ST7: variants seen among roughly 807,000 people sequenced by gnomAD.
The protein encoded by ST7 is suppression of tumorigenicity 7, also known as suppressor of tumorigenicity 7 protein.
Under a neutral mutation model 78.7 loss-of-function variants are expected in ST7, and 28 were observed. The observed-to-expected ratio is 0.36, with a 90% CI of 0.26 to 0.49. The LOEUF is 0.49. Ranked by LOEUF, ST7 falls within the 20% of genes least tolerant of loss-of-function variation. The probability of loss-of-function intolerance (pLI) is 0.99; values close to 1 mark genes in which losing one functional copy is unlikely to be tolerated. For synonymous variants in ST7, 247 were observed against 249.6 expected (o/e 0.99, Z 0.10); for missense variants, 418 against 696.0 (o/e 0.60, Z 4.49).
intron 1 of ST7, among the ~76,000 whole-genome samples, chr7:117,077,974 T>C (rs1350498185): frequency 6.6e-6 from 1 of 152,108 alleles, no homozygotes; most frequent in African/African-American, 2.4e-5. Context: ...AGGTTTTGGA[T>C]TCTTCACTTA....
chr7:116,955,436 A>G (rs1792413729), intron 1 of ST7, among the ~76,000 whole-genome samples: 2 of 152,150 alleles, frequency 1.3e-5, no homozygotes, highest in Non-Finnish European at 2.9e-5. Flanking sequence ...TGAGAAAACA[A>G]GAGGGGGCCC....
intron 1 of ST7, among the ~76,000 whole-genome samples, chr7:117,024,653 A>G (rs568444997): frequency 1.3e-5 from 2 of 152,328 alleles, no homozygotes; most frequent in South Asian, 2.1e-4. Context: ...GAGGGGGAAA[A>G]TAAATCACCA....
At chr7:117,075,147 ATAAT>A (rs1469533782) in intron 1 of ST7, among the ~76,000 whole-genome samples, 4 of 152,288 alleles carry the variant, frequency 2.6e-5, no homozygotes, top group Admixed American at 6.5e-5. Context: ...AAAGATGAAA[ATAAT>A]TACTCTAAAA....
At chr7:117,154,674 G>A (rs1806552529) in intron 9 of ST7, among the ~76,000 whole-genome samples, 1 of 152,146 alleles carries the variant, frequency 6.6e-6, no homozygotes, top group Non-Finnish European at 1.5e-5. Flanking sequence ...AGGTTTACTG[G>A]GTAGTTTTGG....
chr7:117,196,325 T>C (rs1741231621), intron 12 of ST7, among the ~76,000 whole-genome samples: 1 of 152,246 alleles, frequency 6.6e-6, no homozygotes, highest in Admixed American at 6.5e-5. Flanking sequence ...GATTCTATTT[T>C]TGATTTTTTG....
At chr7:117,040,928 A>C (rs989535768) in intron 1 of ST7, among the ~76,000 whole-genome samples, 1 of 152,074 alleles carries the variant, frequency 6.6e-6, no homozygotes, top group Non-Finnish European at 1.5e-5. Context: ...ATCCCATCAA[A>C]CCTTATTATT....
intron 1 of ST7, among the ~76,000 whole-genome samples, chr7:117,032,122 T>A (rs1290503519): frequency 6.6e-6 from 1 of 151,946 alleles, no homozygotes; most frequent in Non-Finnish European, 1.5e-5. Context: ...CCTCAAGTGA[T>A]CTGCCCTCCT....
intron 13 of ST7, among the ~76,000 whole-genome samples, chr7:117,214,791 G>C (rs1395806765): frequency 1.3e-5 from 2 of 151,964 alleles, no homozygotes; most frequent in African/African-American, 2.4e-5. Context: ...CTTCTTGATT[G>C]TGCGTTTATT....
intron 3 of ST7, among the ~76,000 whole-genome samples, chr7:117,122,513 T>G (rs1803478482): frequency 1.3e-5 from 2 of 152,232 alleles, no homozygotes; most frequent in Non-Finnish European, 2.9e-5. Flanking sequence ...GATAATATTA[T>G]CTACCAGTAT....
chr7:117,220,937 T>C (rs1793040293), intron 14 of ST7, among the ~76,000 whole-genome samples: 1 of 152,140 alleles, frequency 6.6e-6, no homozygotes, highest in Non-Finnish European at 1.5e-5. Flanking sequence ...AGCTGAATGG[T>C]AGAGGAAAGG....
chr7:117,026,664 C>T (rs898483898), intron 1 of ST7, among the ~76,000 whole-genome samples: 52 of 152,290 alleles, frequency 3.4e-4, no homozygotes, highest in Admixed American at 1.3e-3. Context: ...ATGGCTCTAC[C>T]GTGTACTACC....
At chr7:117,000,047 G>A (rs542609522) in intron 1 of ST7, among the ~76,000 whole-genome samples, 4 of 151,996 alleles carry the variant, frequency 2.6e-5, no homozygotes, top group African/African-American at 2.4e-5. Flanking sequence ...TCCTGACCTC[G>A]TGATCCACCC....
intron 1 of ST7, among the ~76,000 whole-genome samples, chr7:117,084,489 A>C (rs1799997093): frequency 6.6e-6 from 1 of 152,162 alleles, no homozygotes; most frequent in Admixed American, 6.5e-5. Flanking sequence ...AGCCCTTAGA[A>C]CAATGGTTAG....
chr7:117,033,845 A>G (rs996295121), intron 1 of ST7, among the ~76,000 whole-genome samples: 1 of 152,172 alleles, frequency 6.6e-6, no homozygotes, highest in Non-Finnish European at 1.5e-5. Flanking sequence ...CACGACCTTG[A>G]GTAGATTAAC....
chr7:117,095,357 A>T (rs1008555343), intron 1 of ST7, among the ~76,000 whole-genome samples: 1 of 152,138 alleles, frequency 6.6e-6, no homozygotes, highest in African/African-American at 2.4e-5. Context: ...CCACAGTTCA[A>T]CCTGCTGTAT....
intron 3 of ST7, among the ~76,000 whole-genome samples, chr7:117,124,815 C>G (rs779404753): frequency 4.6e-5 from 7 of 152,136 alleles, no homozygotes; most frequent in Non-Finnish European, 8.8e-5. Context: ...AATGTCAGGT[C>G]AGAGGACAGC....
chr7:117,002,029 T>C (rs1794956506), intron 1 of ST7, among the ~76,000 whole-genome samples: 1 of 151,942 alleles, frequency 6.6e-6, no homozygotes, highest in African/African-American at 2.4e-5. Flanking sequence ...ATCAAGACCA[T>C]CCTGGCCAAC....
chr7:116,953,822 C>A, intron 1 of ST7, 131 bp downstream of exon 1: 1 of 554,236 alleles, frequency 1.8e-6, no homozygotes, highest in Non-Finnish European at 2.3e-6. Flanking sequence ...AGGCCCGCGG[C>A]TACCCGCCAG....
At chr7:117,101,200 G>A (rs890443906) in intron 2 of ST7, among the ~76,000 whole-genome samples, 3 of 152,152 alleles carry the variant, frequency 2.0e-5, no homozygotes, top group Admixed American at 6.5e-5. Flanking sequence ...TGTTAAACTC[G>A]TGGCATGAGA....
Sources: gnomAD v4.1 joint callset for allele counts (sites outside exome capture counted in the v4.1 genomes callset) on GRCh38, gnomAD v4.1.1 for gene constraint, MANE v1.5 for transcripts, NCBI Gene and HGNC (gene_info 2026-07-23, HGNC 2026-07-21) for gene names.